CADM2: variants seen among roughly 807,000 people sequenced by gnomAD.
CADM2 encodes cell adhesion molecule 2, also known as immunoglobulin superfamily member 4D.
A neutral mutation model predicts 49.8 loss-of-function variants in CADM2; 12 were observed. The observed-to-expected ratio is 0.24, with a 90% confidence interval of 0.15 to 0.39. The LOEUF (loss-of-function observed/expected upper bound fraction) is 0.39. Among genes scored for constraint, CADM2 ranks in the 10% least tolerant of loss-of-function variants. The pLI, the probability that CADM2 is intolerant of heterozygous loss-of-function variation, is 1.00. For synonymous variants in CADM2, 214 were observed against 175.4 expected (o/e 1.22, Z -1.74); for missense variants, 378 against 492.3 (o/e 0.77, Z 2.20).
chr3:85,144,594 A>C (rs2039675921), intron 1 of CADM2, among the ~76,000 whole-genome samples: 1 of 144,108 alleles, frequency 6.9e-6, no homozygotes, highest in South Asian at 2.2e-4. Flanking sequence ...CCTGGGTGAC[A>C]GAGTGAGACT....
intron 7 of CADM2, among the ~76,000 whole-genome samples, chr3:85,953,840 G>T (rs760606188): frequency 8.0e-5 from 12 of 150,788 alleles, no homozygotes; most frequent in Admixed American, 1.3e-4. Flanking sequence ...TAACAAAAAA[G>T]AAAATTCATT....
At chr3:85,602,641 T>G (rs2063440125) in intron 1 of CADM2, among the ~76,000 whole-genome samples, 1 of 151,826 alleles carries the variant, frequency 6.6e-6, no homozygotes, top group African/African-American at 2.4e-5. Context: ...AGAATGCTTA[T>G]ACCTGTATTT....
chr3:85,983,192 G>A (rs1007481311), intron 8 of CADM2, among the ~76,000 whole-genome samples: 1 of 151,656 alleles, frequency 6.6e-6, no homozygotes, highest in African/African-American at 2.4e-5. Context: ...TGGATTGACA[G>A]TGTCATAAAC....
At chr3:85,358,861 C>T (rs533064545) in intron 1 of CADM2, among the ~76,000 whole-genome samples, 4 of 152,182 alleles carry the variant, frequency 2.6e-5, no homozygotes, top group Middle Eastern at 3.4e-3. Flanking sequence ...TTTTAATGAA[C>T]GATTGAAGCT....
chr3:85,615,023 A>G (rs1328173108), intron 1 of CADM2, among the ~76,000 whole-genome samples: 1 of 151,822 alleles, frequency 6.6e-6, no homozygotes, highest in Non-Finnish European at 1.5e-5. Flanking sequence ...TGCTTTACCC[A>G]CTCACTGTTG....
intron 1 of CADM2, among the ~76,000 whole-genome samples, chr3:85,447,125 T>A (rs2037506808): frequency 6.6e-6 from 1 of 150,526 alleles, no homozygotes; most frequent in Non-Finnish European, 1.5e-5. Flanking sequence ...AATTGTTGTG[T>A]TTTTTGTATT....
chr3:85,831,479 C>A (rs2074184837), intron 3 of CADM2, among the ~76,000 whole-genome samples: 1 of 152,000 alleles, frequency 6.6e-6, no homozygotes, highest in South Asian at 2.1e-4. Flanking sequence ...TTCTCTGCAA[C>A]CTTGCCAGAA....
intron 1 of CADM2, among the ~76,000 whole-genome samples, chr3:85,583,686 G>T (rs1211374112): frequency 6.6e-6 from 1 of 151,936 alleles, no homozygotes; most frequent in Non-Finnish European, 1.5e-5. Context: ...AATCTGTAAA[G>T]CAACAACCAA....
chr3:85,606,508 A>G (rs1467948119), intron 1 of CADM2, among the ~76,000 whole-genome samples: 1 of 152,146 alleles, frequency 6.6e-6, no homozygotes. Context: ...ATATTTACTA[A>G]ATTGTTTTGG....
chr3:85,822,676 G>A (rs1455332791), intron 3 of CADM2, among the ~76,000 whole-genome samples: 1 of 152,090 alleles, frequency 6.6e-6, no homozygotes, highest in Non-Finnish European at 1.5e-5. Context: ...TCCTGCATTA[G>A]TAGCCTGCTC....
chr3:85,845,095 G>A (rs1397421494), intron 3 of CADM2, among the ~76,000 whole-genome samples: 1 of 149,626 alleles, frequency 6.7e-6, no homozygotes, highest in Non-Finnish European at 1.5e-5. Context: ...GTTTGAGGCT[G>A]GAGTGAGCCA....
At chr3:85,206,108 CA>C (rs2041626170) in intron 1 of CADM2, among the ~76,000 whole-genome samples, 1 of 151,886 alleles carries the variant, frequency 6.6e-6, no homozygotes, top group East Asian at 1.9e-4. Flanking sequence ...TCAGTTCTGG[CA>C]TTTACCTCTG....
chr3:85,389,443 A>G (rs919030046), intron 1 of CADM2, among the ~76,000 whole-genome samples: 2 of 152,116 alleles, frequency 1.3e-5, no homozygotes, highest in African/African-American at 4.8e-5. Flanking sequence ...AGTGGCCCGT[A>G]TAGCTGTTGA....
intron 1 of CADM2, among the ~76,000 whole-genome samples, chr3:84,994,286 T>A (rs1413272088): frequency 6.6e-6 from 1 of 152,204 alleles, no homozygotes; most frequent in Admixed American, 6.5e-5. Context: ...ATTTTTGAAG[T>A]TCCCTTTTAC....
At chr3:85,169,634 T>G (rs988801845) in intron 1 of CADM2, among the ~76,000 whole-genome samples, 7 of 152,066 alleles carry the variant, frequency 4.6e-5, no homozygotes, top group African/African-American at 1.7e-4. Context: ...CTGCGGGGTG[T>G]GGTGGCACAC....
chr3:85,092,829 C>T (rs2037648673), intron 1 of CADM2, among the ~76,000 whole-genome samples: 1 of 152,098 alleles, frequency 6.6e-6, no homozygotes, highest in Admixed American at 6.6e-5. Flanking sequence ...CAGTGATTTC[C>T]TTCTGCCTTT....
intron 1 of CADM2, among the ~76,000 whole-genome samples, chr3:85,127,708 G>T (rs1256598734): frequency 1.3e-5 from 2 of 151,960 alleles, no homozygotes; most frequent in South Asian, 2.1e-4. Context: ...TTTAATTTAG[G>T]ACAGGTATCA....
intron 1 of CADM2, among the ~76,000 whole-genome samples, chr3:85,158,962 CGT>C (rs1337337842): frequency 6.6e-6 from 1 of 151,900 alleles, no homozygotes; most frequent in Admixed American, 6.6e-5. Context: ...TTGACGTCTG[CGT>C]GTGTGTTAGT....
At chr3:85,999,615 AAG>A (rs1729905629) in intron 8 of CADM2, among the ~76,000 whole-genome samples, 1 of 151,272 alleles carries the variant, frequency 6.6e-6, no homozygotes, top group Non-Finnish European at 1.5e-5. Context: ...GAAAGAGAGA[AAG>A]AGAAAGAAAG....
Sources: gnomAD v4.1 joint callset for allele counts (sites outside exome capture counted in the v4.1 genomes callset) on GRCh38, gnomAD v4.1.1 for gene constraint, MANE v1.5 for transcripts, NCBI Gene and HGNC (gene_info 2026-07-23, HGNC 2026-07-21) for gene names.